The following TTC29 variants were observed in gnomAD, a reference collection of about 807,000 sequenced individuals.
The protein encoded by TTC29 is tetratricopeptide repeat domain 29.
A neutral mutation model predicts 58.1 loss-of-function variants in TTC29; 49 were observed. The observed-to-expected ratio is 0.84, with a 90% CI of 0.67 to 1.07. The LOEUF (loss-of-function observed/expected upper bound fraction) is 1.07. Ranked by LOEUF, TTC29 falls within the 50% of genes least tolerant of loss-of-function variation. The pLI is 0.00. For missense variants in TTC29, 582 were observed against 555.6 expected, an observed-to-expected ratio of 1.05 and a Z score of -0.48; for synonymous variants, 209 against 196.8, an observed-to-expected ratio of 1.06 and a Z score of -0.52.
intron 11 of TTC29, among the ~76,000 whole-genome samples, chr4:146,735,614 C>T (rs1744659758): frequency 6.6e-6 from 1 of 152,164 alleles, no homozygotes; most frequent in Non-Finnish European, 1.5e-5. Context: ...CCAAGTGGCA[C>T]ACCCTAGATG....
intron 11 of TTC29, among the ~76,000 whole-genome samples, chr4:146,758,074 C>T (rs1244707467): frequency 6.6e-6 from 1 of 152,044 alleles, no homozygotes; most frequent in African/African-American, 2.4e-5. Flanking sequence ...ACTCACAAAC[C>T]AACTATTTGC....
At chr4:146,913,399 G>A (rs949122735) in intron 4 of TTC29, among the ~76,000 whole-genome samples, 4 of 151,992 alleles carry the variant, frequency 2.6e-5, no homozygotes, top group African/African-American at 9.7e-5. Flanking sequence ...GCTGGATTTG[G>A]TCCACCCAGC....
chr4:146,927,561 C>T (rs1328535335), intron 4 of TTC29, among the ~76,000 whole-genome samples: 1 of 152,012 alleles, frequency 6.6e-6, no homozygotes, highest in Admixed American at 6.6e-5. Context: ...ACTATCTGTA[C>T]TATAATACAT....
chr4:146,751,304 TAA>T (rs1368759650), intron 11 of TTC29, among the ~76,000 whole-genome samples: 1 of 152,128 alleles, frequency 6.6e-6, no homozygotes, highest in African/African-American at 2.4e-5. Flanking sequence ...GATAAATCAA[TAA>T]GACATAAAAT....
chr4:146,743,456 TAG>T (rs1192858756), intron 11 of TTC29, among the ~76,000 whole-genome samples: 3 of 152,178 alleles, frequency 2.0e-5, no homozygotes, highest in Non-Finnish European at 4.4e-5. Context: ...GTGGATGGTT[TAG>T]AGAGTTCAGA....
chr4:146,724,139 G>A (rs1743587959), intron 11 of TTC29, among the ~76,000 whole-genome samples: 2 of 152,148 alleles, frequency 1.3e-5, no homozygotes, highest in Non-Finnish European at 2.9e-5. Context: ...ACCAAATACT[G>A]CATGTTCTCA....
chr4:146,821,437 T>TA (rs955029936), intron 9 of TTC29, among the ~76,000 whole-genome samples: 81 of 151,452 alleles, frequency 5.3e-4, no homozygotes, highest in African/African-American at 1.5e-3. Context: ...AAGCTGTTTT[T>TA]AAAAAAAAAC....
At chr4:146,869,258 TG>T (rs2150212820) in intron 7 of TTC29, among the ~76,000 whole-genome samples, 1 of 152,316 alleles carries the variant, frequency 6.6e-6, no homozygotes, top group South Asian at 2.1e-4. Flanking sequence ...TATTTCTTGC[TG>T]CATTCACTCT....
chr4:146,768,425 T>C lies in TTC29; in HGVS notation c.1330+35032A>G, dbSNP rs75948269. Among the ~76,000 whole-genome samples the C allele has an allele frequency of 6.7e-4, 102 of 152,192 alleles. 2 individuals carry two copies. In the East Asian group the frequency reaches 0.019, roughly 29 times the overall value. On this transcript the variant is annotated intron_variant, in intron 11 of 12. Coordinates refer to ENST00000325106, the MANE Select transcript of TTC29 (RefSeq NM_031956.4). ...TGAAAAGTCAGAAGCAAAACAGTAT[T>C]AAGCTGTGTAGTCAAAACCGAAGTT...
chr4:146,924,699 G>GTT (rs202074357), intron 4 of TTC29, among the ~76,000 whole-genome samples: 1 of 151,358 alleles, frequency 6.6e-6, no homozygotes, highest in Non-Finnish European at 1.5e-5. Context: ...AGTTTCATGG[G>GTT]TTTTTTGGTT....
intron 8 of TTC29, among the ~76,000 whole-genome samples, chr4:146,842,234 A>G (rs1216302569): frequency 6.6e-6 from 1 of 152,058 alleles, no homozygotes; most frequent in Non-Finnish European, 1.5e-5. Context: ...TCATGATAGG[A>G]AATTATTTCC....
intron 11 of TTC29, among the ~76,000 whole-genome samples, chr4:146,769,544 T>C (rs950355738): frequency 6.6e-6 from 1 of 151,998 alleles, no homozygotes; most frequent in Non-Finnish European, 1.5e-5. Flanking sequence ...AGAAGAAAGA[T>C]GTAGATGCAA....
At chr4:146,850,107 G>A (rs1729424988) in intron 8 of TTC29, among the ~76,000 whole-genome samples, 1 of 152,222 alleles carries the variant, frequency 6.6e-6, no homozygotes, top group Non-Finnish European at 1.5e-5. Context: ...CAAGGACAAA[G>A]ATGTCTGTCT....
intron 11 of TTC29, among the ~76,000 whole-genome samples, chr4:146,800,774 C>A (rs542441309): frequency 6.6e-6 from 1 of 152,256 alleles, no homozygotes; most frequent in African/African-American, 2.4e-5. Context: ...TAGTAGATGC[C>A]AAACATCGTG....
At chr4:146,749,133 C>A (rs1421974109) in intron 11 of TTC29, among the ~76,000 whole-genome samples, 2 of 148,040 alleles carry the variant, frequency 1.4e-5, no homozygotes, top group South Asian at 4.3e-4. Context: ...GTACTGACAA[C>A]ATAGTGAGAC....
intron 6 of TTC29, among the ~76,000 whole-genome samples, chr4:146,900,685 ATG>A (rs1733085093): frequency 6.6e-6 from 1 of 152,196 alleles, no homozygotes; most frequent in Non-Finnish European, 1.5e-5. Context: ...AAAAATCAGA[ATG>A]AGAGGGGAAT....
intron 11 of TTC29, among the ~76,000 whole-genome samples, chr4:146,776,440 G>GTT (rs79215075): frequency 1.2e-3 from 177 of 142,704 alleles, no homozygotes; most frequent in African/African-American, 2.3e-3. Context: ...TCCTTTGGAT[G>GTT]TTTTTTTTTT....
chr4:146,833,824 A>G lies in TTC29; in HGVS notation c.959T>C (p.Ile320Thr), dbSNP rs752283865. Reference sequence around the variant, plus strand: ...AACTTACCTCTGCAGGACCTTGGCTATGGCTTCATAGCCTCTCCCCAGACT... The same window carrying G: ...AACTTACCTCTGCAGGACCTTGGCTGTGGCTTCATAGCCTCTCCCCAGACT... ...DLSLGRGYEA[I>T]AKVLQSQGEM... The change falls in exon 9 of 13, where the codon ATA becomes ACA. Residue 320 changes from isoleucine (I) to threonine (T), a missense_variant. Transcript: ENST00000325106. 2 of 1,613,236 alleles carry G rather than the reference A, an allele frequency of 1.2e-6. No homozygotes were observed. The highest frequency in any genetic ancestry group is 1.7e-6 in the Non-Finnish European group (2 of 1,179,412).
intron 4 of TTC29, among the ~76,000 whole-genome samples, chr4:146,927,720 T>A (rs1387318892): frequency 1.3e-5 from 2 of 152,126 alleles, no homozygotes; most frequent in Non-Finnish European, 2.9e-5. Context: ...CTCTACCAAG[T>A]GTTTCAAAGG....
Sources: allele counts gnomAD v4.1 joint callset (sites outside exome capture counted in the v4.1 genomes callset), GRCh38; gene constraint gnomAD v4.1.1; transcripts MANE v1.5; gene names NCBI Gene and HGNC (gene_info 2026-07-23, HGNC 2026-07-21).